MPPED2: variants seen among roughly 807,000 people sequenced by gnomAD.
The protein encoded by MPPED2 is metallophosphoesterase domain containing 2.
MPPED2 carries 5 observed loss-of-function variants against 33.0 expected under a neutral mutation model. The ratio of observed to expected loss-of-function variants is 0.15; its 90% CI spans 0.08 to 0.32. The LOEUF (loss-of-function observed/expected upper bound fraction) is 0.32. Ranked by LOEUF, MPPED2 falls within the 10% of genes least tolerant of loss-of-function variation. MPPED2 has a pLI of 1.00. For synonymous variants in MPPED2, 136 were observed against 141.9 expected, an observed-to-expected ratio of 0.96 and a Z score of 0.29; for missense variants, 275 against 372.1, an observed-to-expected ratio of 0.74 and a Z score of 2.15.
At chr11:30,473,203 T>C (rs965054715) in intron 4 of MPPED2, among the ~76,000 whole-genome samples, 6 of 152,224 alleles carry the variant, frequency 3.9e-5, no homozygotes, top group African/African-American at 1.4e-4. Context: ...GTGAACACTT[T>C]AAATACAAGC....
intron 2 of MPPED2, among the ~76,000 whole-genome samples, chr11:30,549,799 G>A (rs1025407838): frequency 2.6e-5 from 4 of 152,052 alleles, no homozygotes; most frequent in South Asian, 2.1e-4. Flanking sequence ...CGTGACTGCC[G>A]CCATCGATAA....
At chr11:30,391,529 T>C (rs907936396) in intron 6 of MPPED2, among the ~76,000 whole-genome samples, 1 of 152,198 alleles carries the variant, frequency 6.6e-6, no homozygotes, top group Admixed American at 6.5e-5. Context: ...TTGCCTGTGA[T>C]ATATGAACAA....
chr11:30,533,764 C>T (rs1176647440), intron 3 of MPPED2, among the ~76,000 whole-genome samples: 1 of 152,166 alleles, frequency 6.6e-6, no homozygotes, highest in East Asian at 1.9e-4. Context: ...CCTCCTGTCT[C>T]ACCAGATCAT....
At chr11:30,516,844 CA>C (rs1171326799) in intron 3 of MPPED2, among the ~76,000 whole-genome samples, 1 of 152,070 alleles carries the variant, frequency 6.6e-6, no homozygotes, top group Non-Finnish European at 1.5e-5. Context: ...AGAAAGAAAA[CA>C]AGGAGGCATT....
At chr11:30,391,563 T>A (rs1179535819) in intron 6 of MPPED2, among the ~76,000 whole-genome samples, 1 of 152,192 alleles carries the variant, frequency 6.6e-6, no homozygotes, top group Non-Finnish European at 1.5e-5. Context: ...CTCAATTTCC[T>A]TCTCTGTAAA....
chr11:30,476,466 TA>T (rs1006025547), intron 4 of MPPED2, among the ~76,000 whole-genome samples: 1 of 152,016 alleles, frequency 6.6e-6, no homozygotes, highest in Non-Finnish European at 1.5e-5. Flanking sequence ...CGGTTTTCCA[TA>T]TTGATATTTA....
chr11:30,531,563 A>G (rs1954528386), intron 3 of MPPED2, among the ~76,000 whole-genome samples: 1 of 152,190 alleles, frequency 6.6e-6, no homozygotes, highest in East Asian at 1.9e-4. Context: ...CAAAAAGACG[A>G]TATTTCCAGG....
At chr11:30,511,667 T>C (rs1293591960) in intron 3 of MPPED2, among the ~76,000 whole-genome samples, 1 of 152,188 alleles carries the variant, frequency 6.6e-6, no homozygotes, top group Admixed American at 6.5e-5. Context: ...TAGAACAGTA[T>C]AGCAAGCACA....
intron 6 of MPPED2, among the ~76,000 whole-genome samples, chr11:30,394,212 T>C (rs1259345644): frequency 6.6e-6 from 1 of 152,228 alleles, no homozygotes; most frequent in East Asian, 1.9e-4. Context: ...TTGGTGATTA[T>C]AAGTAGAGAT....
In MPPED2 at chr11:30,451,904, C is replaced by T. The variant is rs957918248; in HGVS notation, c.537-34271G>A. 15 of 985,188 alleles carry T rather than the reference C, an allele frequency of 1.5e-5. No individual in the cohort carries two copies. In the African/African-American group the frequency reaches 2.6e-4, roughly 17 times the overall value. The allele number at this position is 985,188 out of a possible 1,614,324, so 61.0% of individuals were successfully genotyped here. On this transcript the variant is annotated intron_variant, in intron 4 of 6. Transcript: ENST00000358117. ...AGTTCCAGCTCAATGCAATTGTGGG[C>T]AAGTCATTTAACCTTGATTTCTTAA...
intron 3 of MPPED2, among the ~76,000 whole-genome samples, chr11:30,531,108 T>C (rs1388573009): frequency 1.3e-5 from 2 of 152,342 alleles, no homozygotes; most frequent in East Asian, 1.9e-4. Flanking sequence ...CCAAAGCCTA[T>C]TCATGGCTTA....
chr11:30,542,483 A>AGC (rs1353204455), intron 2 of MPPED2, among the ~76,000 whole-genome samples: 5 of 122,726 alleles, frequency 4.1e-5, no homozygotes, highest in Admixed American at 8.2e-5. Context: ...AAAAAAAAAA[A>AGC]GCCAGGCATG....
intron 2 of MPPED2, among the ~76,000 whole-genome samples, chr11:30,544,387 T>C (rs970627763): frequency 2.6e-5 from 4 of 152,170 alleles, no homozygotes; most frequent in Non-Finnish European, 5.9e-5. Context: ...ACACAGTATG[T>C]TGGTCTGTCA....
At chr11:30,498,036 C>A (rs930189418) in intron 3 of MPPED2, among the ~76,000 whole-genome samples, 1 of 150,960 alleles carries the variant, frequency 6.6e-6, no homozygotes, top group Non-Finnish European at 1.5e-5. Flanking sequence ...GGGCAGCTGA[C>A]AAATCTCCTG....
intron 1 of MPPED2, among the ~76,000 whole-genome samples, chr11:30,581,149 C>T (rs2134923074): frequency 6.6e-6 from 1 of 152,210 alleles, no homozygotes; most frequent in East Asian, 1.9e-4. Flanking sequence ...TTTTTCAACA[C>T]TCCAGTCACT....
rs1414649187 is a variant in MPPED2 at position 30,518,805 on chromosome 11, C to T, written c.310+17189G>A. Among the ~76,000 whole-genome samples the T allele has an allele frequency of 2.6e-5, 4 of 152,192 alleles. No homozygotes were observed. The East Asian group carries it at 7.7e-4, about 29-fold the overall frequency. ...GATAGAAGTCCTTCCTGCCTTCCCA[C>T]CACCCTTAACTCTTGTGTGGCCTTT... On this transcript the variant is annotated intron_variant, in intron 3 of 6. Coordinates refer to ENST00000358117, the MANE Select transcript of MPPED2 (RefSeq NM_001584.3).
chr11:30,552,324 T>C (rs1026936134), intron 2 of MPPED2, among the ~76,000 whole-genome samples: 20 of 152,340 alleles, frequency 1.3e-4, no homozygotes, highest in Middle Eastern at 3.4e-3. Flanking sequence ...ATAAGAAGTT[T>C]TATTTTTACT....
Position 30,411,395 on chromosome 11 carries a change from G to T in MPPED2, c.*73C>A. 1.3e-6 allele frequency: 2 copies of T among 1,504,790 alleles called. No homozygotes were observed. Among genetic ancestry groups the T allele is most frequent in the South Asian group, 1.4e-5 (1 of 69,744 alleles). 93.2% of individuals were successfully genotyped at this position (1,504,790 alleles called of 1,614,324 possible). A position where few individuals can be genotyped will look rare whatever the true frequency, so the allele number is the denominator to read the frequency against. On this transcript the variant is annotated 3_prime_UTR_variant, in exon 7 of 7. Transcript: ENST00000358117. ...TCACAGGGTTTGTAAATAAGTAAGA[G>T]AATGTAAGTTTATAATTAGAAAAAT...
intron 3 of MPPED2, among the ~76,000 whole-genome samples, chr11:30,530,710 C>G (rs1281298656): frequency 1.3e-5 from 2 of 152,202 alleles, no homozygotes; most frequent in East Asian, 3.9e-4. Flanking sequence ...ACGATGAGAT[C>G]TTCTAATGCC....
Sources: gnomAD v4.1 joint callset for allele counts (sites outside exome capture counted in the v4.1 genomes callset) on GRCh38, gnomAD v4.1.1 for gene constraint, MANE v1.5 for transcripts, NCBI Gene and HGNC (gene_info 2026-07-23, HGNC 2026-07-21) for gene names.